The following MAGI1 variants were observed in gnomAD, a reference collection of about 807,000 sequenced individuals.
The protein encoded by MAGI1 is membrane associated guanylate kinase, WW and PDZ domain containing 1, also known as membrane-associated guanylate kinase, WW and PDZ domain-containing protein 1.
A neutral mutation model predicts 139.9 loss-of-function variants in MAGI1; 58 were observed. The ratio of observed to expected loss-of-function variants is 0.41; its 90% CI spans 0.34 to 0.52. The LOEUF is 0.52. Among genes scored for constraint, MAGI1 ranks in the 20% least tolerant of loss-of-function variants. The pLI, the probability that MAGI1 is intolerant of heterozygous loss-of-function variation, is 0.12. For missense variants in MAGI1, 1,874 were observed against 1,901.6 expected (o/e 0.99, Z 0.27); for synonymous variants, 812 against 737.9 (o/e 1.10, Z -1.63).
At chr3:65,533,666 C>A (rs1317489099) in intron 2 of MAGI1, among the ~76,000 whole-genome samples, 1 of 152,194 alleles carries the variant, frequency 6.6e-6, no homozygotes, top group Non-Finnish European at 1.5e-5. Flanking sequence ...TCTACCAAAA[C>A]CATGTAGAAA....
chr3:65,558,499 C>A (rs1159245175), intron 2 of MAGI1, among the ~76,000 whole-genome samples: 1 of 151,926 alleles, frequency 6.6e-6, no homozygotes, highest in African/African-American at 2.4e-5. Flanking sequence ...TAGAAAAAAA[C>A]AAAAACAAAA....
intron 12 of MAGI1, among the ~76,000 whole-genome samples, chr3:65,403,603 A>G (rs985674204): frequency 2.0e-5 from 3 of 152,160 alleles, no homozygotes; most frequent in African/African-American, 4.8e-5. Flanking sequence ...GCAAGGTTTC[A>G]CCATAGTTAT....
intron 1 of MAGI1, among the ~76,000 whole-genome samples, chr3:65,913,512 G>A (rs1028851331): frequency 3.3e-5 from 5 of 152,106 alleles, no homozygotes; most frequent in East Asian, 3.9e-4. Context: ...AGGTTGTTTC[G>A]GAAGATGGGG....
intron 2 of MAGI1, chr3:65,597,559 C>A: frequency 2.4e-6 from 1 of 419,548 alleles, no homozygotes. Flanking sequence ...TGAATTAAAA[C>A]GCAGCCGCAG....
chr3:65,659,865 A>C (rs1040273077), intron 1 of MAGI1, among the ~76,000 whole-genome samples: 13 of 151,828 alleles, frequency 8.6e-5, no homozygotes, highest in Admixed American at 8.5e-4. Flanking sequence ...ACATTTCTCA[A>C]CCCCCAATCT....
At chr3:65,536,825 C>T (rs1462327313) in intron 2 of MAGI1, among the ~76,000 whole-genome samples, 4 of 152,138 alleles carry the variant, frequency 2.6e-5, no homozygotes, top group Non-Finnish European at 5.9e-5. Context: ...TAGGAACAAT[C>T]CTCTTCCCAC....
chr3:65,674,122 C>A (rs1429164980), intron 1 of MAGI1, among the ~76,000 whole-genome samples: 2 of 152,098 alleles, frequency 1.3e-5, no homozygotes, highest in African/African-American at 4.8e-5. Context: ...AAGGTTAGGT[C>A]TAGTGTTCAA....
intron 1 of MAGI1, among the ~76,000 whole-genome samples, chr3:65,750,591 T>C (rs2036064913): frequency 6.6e-6 from 1 of 152,198 alleles, no homozygotes; most frequent in Admixed American, 6.5e-5. Flanking sequence ...CTCTGAGAAG[T>C]CAAATTTTGC....
At chr3:65,458,540 T>C (rs2107524064) in intron 5 of MAGI1, among the ~76,000 whole-genome samples, 1 of 152,274 alleles carries the variant, frequency 6.6e-6, no homozygotes. Context: ...GTAGCTTTGA[T>C]TTGCATTTCT....
chr3:65,500,482 T>A (rs1050356947), intron 2 of MAGI1, among the ~76,000 whole-genome samples: 2 of 152,194 alleles, frequency 1.3e-5, no homozygotes, highest in African/African-American at 4.8e-5. Flanking sequence ...AGACTCCTGC[T>A]GAGGAAATGA....
chr3:65,763,992 A>G (rs901334127), intron 1 of MAGI1, among the ~76,000 whole-genome samples: 4 of 149,542 alleles, frequency 2.7e-5, no homozygotes, highest in Non-Finnish European at 5.9e-5. Context: ...GGATCACTTT[A>G]CCCTCGGAGG....
chr3:65,960,009 G>A (rs1050915057), intron 1 of MAGI1, among the ~76,000 whole-genome samples: 9 of 151,286 alleles, frequency 5.9e-5, no homozygotes, highest in East Asian at 2.0e-4. Context: ...GGGTTTTACC[G>A]TGTTAGCCAG....
chr3:65,568,814 G>A (rs1169736781), intron 2 of MAGI1, among the ~76,000 whole-genome samples: 2 of 152,184 alleles, frequency 1.3e-5, no homozygotes, highest in African/African-American at 2.4e-5. Flanking sequence ...ATAGAAAGAG[G>A]TCTGTCATTT....
chr3:65,919,895 C>T (rs575439723), intron 1 of MAGI1, among the ~76,000 whole-genome samples: 2 of 152,222 alleles, frequency 1.3e-5, no homozygotes, highest in East Asian at 3.9e-4. Flanking sequence ...ATCATCTTAA[C>T]CCCTTTTAAC....
intron 2 of MAGI1, among the ~76,000 whole-genome samples, chr3:65,503,146 T>C (rs1201876123): frequency 6.6e-6 from 1 of 152,192 alleles, no homozygotes; most frequent in Non-Finnish European, 1.5e-5. Flanking sequence ...TTCTGAGAAC[T>C]TGGAATCAGT....
At chr3:65,789,449 CA>C (rs2039614227) in intron 1 of MAGI1, among the ~76,000 whole-genome samples, 1 of 152,168 alleles carries the variant, frequency 6.6e-6, no homozygotes, top group South Asian at 2.1e-4. Context: ...AGTTCCAGGA[CA>C]AGGAACATTT....
At chr3:65,575,218 AAG>A in intron 2 of MAGI1, among the ~76,000 whole-genome samples, 1 of 152,102 alleles carries the variant, frequency 6.6e-6, no homozygotes, top group East Asian at 1.9e-4. Flanking sequence ...ACCAACTAAA[AAG>A]AGAGTAAAAT....
intron 1 of MAGI1, among the ~76,000 whole-genome samples, chr3:65,869,231 G>A (rs1376371641): frequency 2.8e-5 from 4 of 144,696 alleles, no homozygotes; most frequent in Non-Finnish European, 4.5e-5. Flanking sequence ...ACTCCAGCCT[G>A]GGTGACAGAG....
intron 1 of MAGI1, chr3:65,925,333 G>C (rs992356175): frequency 2.7e-5 from 4 of 150,402 alleles, no homozygotes; most frequent in Non-Finnish European, 5.9e-5. Context: ...TTTTGTTTTT[G>C]TATTACTTAT....
Sources: gnomAD v4.1 joint callset for allele counts (sites outside exome capture counted in the v4.1 genomes callset) on GRCh38, gnomAD v4.1.1 for gene constraint, MANE v1.5 for transcripts, NCBI Gene and HGNC (gene_info 2026-07-23, HGNC 2026-07-21) for gene names.